Variants in TNK2 observed in about 807,000 individuals in gnomAD.
TNK2 encodes activated CDC42 kinase 1.
In TNK2, 83 loss-of-function variants were observed where a neutral mutation model predicts 101.8. That is an observed-to-expected ratio of 0.82 (90% CI 0.68 to 0.98). TNK2 has a LOEUF of 0.98. TNK2 is among the 50% of genes least tolerant of loss of function. The probability of loss-of-function intolerance (pLI) is 0.00; values close to 1 mark genes in which losing one functional copy is unlikely to be tolerated. For synonymous variants in TNK2, 804 were observed against 633.0 expected (o/e 1.27, Z -4.06); for missense variants, 1,665 against 1,483.2 (o/e 1.12, Z -2.01).
rs1044580348 is a variant in TNK2, at chr3:195,882,979, C to G, written c.609+178G>C. On this transcript the variant is annotated intron_variant, in intron 5 of 15. Coordinates refer to ENST00000672887, the MANE Select transcript of TNK2 (RefSeq NM_001382273.1). This position sits in a 1 kb window ranked among gnomAD's most constrained non-coding sequence, Gnocchi z 4.2. ...AATCCAGAGACAGACCCGGACTGGA[C>G]CGCAGCAGACACAGCCCGTACCAGG... is the stretch of plus-strand genomic sequence containing the variant. Among the ~76,000 whole-genome samples the G allele has an allele frequency of 2.0e-5, 3 of 152,240 alleles. No homozygotes were observed. Among genetic ancestry groups the G allele is most frequent in the African/African-American group, 7.2e-5 (3 of 41,458 alleles).
At chr3:195,906,684 G>A (rs1312057597) in intron 1 of TNK2, among the ~76,000 whole-genome samples, 1 of 152,128 alleles carries the variant, frequency 6.6e-6, no homozygotes, top group Admixed American at 6.5e-5. Flanking sequence ...GTGGTTTCAC[G>A]GGTATATACA....
At chr3:195,869,917 A>G in intron 11 of TNK2, 197 bp downstream of exon 11, 1 of 558,384 alleles carries the variant, frequency 1.8e-6, no homozygotes, top group Non-Finnish European at 3.2e-6. Flanking sequence ...CAGCCCGAGG[A>G]GGCCCACCTC....
rs892899750 is a variant in TNK2 at position 195,882,931 on chromosome 3, C to G, written c.609+226G>C. ...GCCAGCCCCTCCCATGGGAGTAACT[C>G]TCTTGACACTGAGCACCAGCAAAAT... On this transcript the variant is annotated intron_variant, in intron 5 of 15. Transcript: ENST00000672887. This position sits in a 1 kb window ranked among gnomAD's most constrained non-coding sequence, Gnocchi z 4.2. Among the ~76,000 whole-genome samples, 75 of 152,288 alleles carry G rather than the reference C, an allele frequency of 4.9e-4. No homozygotes were observed. The highest frequency in any genetic ancestry group is 1.8e-3 in the African/African-American group (75 of 41,546).
chr3:195,892,450 G>A (rs1253753393), intron 1 of TNK2: 25 of 1,535,384 alleles, frequency 1.6e-5, no homozygotes, highest in Non-Finnish European at 2.0e-5. Flanking sequence ...GGAGAGGGAA[G>A]GAGAGCTCCA....
In TNK2 at chr3:195,888,728, T is replaced by C; in HGVS notation, c.-18-122A>G. On this transcript the variant is annotated intron_variant, in intron 1 of 15. Coordinates refer to ENST00000672887, the MANE Select transcript of TNK2 (RefSeq NM_001382273.1). The surrounding 1 kb of genome is among the most constrained non-coding windows in gnomAD (Gnocchi z 5.3). ...ACCCGGAAGGGCTCACACCACCTTC[T>C]GACTCCCGAGGGAAGCTACCGAGAA... The C allele has an allele frequency of 1.1e-6, 1 of 946,168 alleles. No individual in the cohort carries two copies. Among genetic ancestry groups the C allele is most frequent in the South Asian group, 1.8e-5 (1 of 57,032 alleles). The allele number at this position is 946,168 out of a possible 1,614,324, so 58.6% of individuals were successfully genotyped here. A position where few individuals can be genotyped will look rare whatever the true frequency, so the allele number is the denominator to read the frequency against.
intron 1 of TNK2, among the ~76,000 whole-genome samples, chr3:195,906,111 T>C (rs1761688445): frequency 6.6e-6 from 1 of 152,150 alleles, no homozygotes; most frequent in Non-Finnish European, 1.5e-5. Context: ...CAAATTAAAA[T>C]TGTAATGAGA....
At chr3:195,887,875 A>G (rs1472173008) in intron 2 of TNK2, among the ~76,000 whole-genome samples, 1 of 135,216 alleles carries the variant, frequency 7.4e-6, no homozygotes, top group African/African-American at 3.1e-5. Context: ...CAGGCGTGTG[A>G]GCGCGTGCGT....
At position 195,882,581 on chromosome 3, in the gene TNK2, G is replaced by A; in HGVS notation, c.610-253C>T. ...GGCTAGAAATTCCAAAACTCAGCTG[G>A]ACGTGGTGGCTCACGCCTGTAATCC... On this transcript the variant is annotated intron_variant, in intron 5 of 15. Coordinates refer to ENST00000672887, the MANE Select transcript of TNK2 (RefSeq NM_001382273.1). This position sits in a 1 kb window ranked among gnomAD's most constrained non-coding sequence, Gnocchi z 4.2. The A allele has an allele frequency of 6.8e-7, 1 of 1,472,662 alleles. No individual in the cohort carries two copies. The highest frequency in any genetic ancestry group is 9.1e-7 in the Non-Finnish European group (1 of 1,101,038). 91.2% of individuals were successfully genotyped at this position (1,472,662 alleles called of 1,614,324 possible).
chr3:195,907,619 G>A (rs1356294358), intron 1 of TNK2, among the ~76,000 whole-genome samples: 1 of 152,228 alleles, frequency 6.6e-6, no homozygotes, highest in Non-Finnish European at 1.5e-5. Flanking sequence ...GGCACGAGGC[G>A]GAATGAGTAG....
At position 195,890,322 on chromosome 3, in the gene TNK2, G is replaced by A. The variant is rs1315797001; in HGVS notation, c.-18-1716C>T. 3.3e-5 allele frequency among the ~76,000 whole-genome samples: 5 copies of A among 152,316 alleles called. No homozygotes were observed. In the South Asian group the frequency reaches 6.2e-4, roughly 19 times the overall value. ...GGGGGACAAGAGCGTGAGCTAGCCT[G>A]CAATGCGTAGGACATTCTCGCACTG... is the stretch of plus-strand genomic sequence containing the variant. On this transcript the variant is annotated intron_variant, in intron 1 of 15. Coordinates refer to ENST00000672887, the MANE Select transcript of TNK2 (RefSeq NM_001382273.1).
At chr3:195,880,623 C>A (rs1417340326) in intron 6 of TNK2, among the ~76,000 whole-genome samples, 1 of 70,818 alleles carries the variant, frequency 1.4e-5, no homozygotes, top group South Asian at 6.2e-4. Flanking sequence ...TAACACCCCC[C>A]CAGCAATGCC....
chr3:195,864,197 G>A lies in TNK2; in HGVS notation c.3162-10C>T. The A allele has an allele frequency of 6.2e-7, 1 of 1,613,986 alleles. No individual in the cohort carries two copies. The highest frequency in any genetic ancestry group is 8.5e-7 in the Non-Finnish European group (1 of 1,179,936). On this transcript the variant is annotated splice_polypyrimidine_tract_variant and intron_variant, in intron 15 of 15. Transcript: ENST00000672887. ...AGACGCATCTCAGCGCCTAGAGAAT[G>A]GGAAACCACCAGCACAGTTAAACAG...
At chr3:195,870,829 C>T (rs1744613951) in intron 10 of TNK2, among the ~76,000 whole-genome samples, 1 of 152,252 alleles carries the variant, frequency 6.6e-6, no homozygotes, top group African/African-American at 2.4e-5. Flanking sequence ...CCCCAACTCT[C>T]AGGCCCTTGC....
intron 15 of TNK2, among the ~76,000 whole-genome samples, chr3:195,864,393 G>C (rs1366490336): frequency 6.6e-6 from 1 of 152,094 alleles, no homozygotes; most frequent in Non-Finnish European, 1.5e-5. Context: ...CTGCGTATTA[G>C]AGAATCCGAA....
At chr3:195,877,665 C>T (rs1023900332) in intron 9 of TNK2, among the ~76,000 whole-genome samples, 20 of 152,128 alleles carry the variant, frequency 1.3e-4, no homozygotes, top group Admixed American at 5.2e-4. Context: ...TCAGGGCAGG[C>T]GCTAGAACTG....
intron 10 of TNK2, among the ~76,000 whole-genome samples, chr3:195,871,114 CAGG>C (rs1481470826): frequency 1.3e-5 from 2 of 150,672 alleles, no homozygotes; most frequent in Admixed American, 6.7e-5. Context: ...CAGAAGTCAG[CAGG>C]AGAAGGGCTG....
intron 1 of TNK2, among the ~76,000 whole-genome samples, chr3:195,893,939 G>A (rs1267847655): frequency 6.6e-6 from 1 of 152,200 alleles, no homozygotes; most frequent in African/African-American, 2.4e-5. Flanking sequence ...AACTCCAGGA[G>A]GTGGGGAGAA....
At chr3:195,874,282 T>C (rs1747557128) in intron 9 of TNK2, among the ~76,000 whole-genome samples, 1 of 152,160 alleles carries the variant, frequency 6.6e-6, no homozygotes, top group Admixed American at 6.5e-5. Context: ...GCCTCTCCCT[T>C]CCGCCAACAC....
At chr3:195,870,598 G>A (rs1744443902) in intron 10 of TNK2, among the ~76,000 whole-genome samples, 1 of 152,246 alleles carries the variant, frequency 6.6e-6, no homozygotes, top group Non-Finnish European at 1.5e-5. Flanking sequence ...AGCCAGGGTG[G>A]GCAGGAGGCA....
Sources: gnomAD v4.1 joint callset for allele counts (sites outside exome capture counted in the v4.1 genomes callset) on GRCh38, gnomAD v4.1.1 for gene constraint, Gnocchi (gnomAD v3.1) non-coding constraint, MANE v1.5 for transcripts, NCBI Gene and HGNC (gene_info 2026-07-23, HGNC 2026-07-21) for gene names.